Variants in STAMBPL1 observed in about 807,000 individuals in gnomAD.
STAMBPL1 encodes the protein STAM binding protein like 1, also known as AMSH-like protease.
Under a neutral mutation model 52.9 loss-of-function variants are expected in STAMBPL1, and 44 were observed. The observed-to-expected ratio is 0.83, with a 90% confidence interval of 0.65 to 1.07. STAMBPL1 has a LOEUF of 1.07. Ranked by LOEUF, STAMBPL1 falls within the 50% of genes least tolerant of loss-of-function variation. The probability of loss-of-function intolerance (pLI) is 0.00; values close to 1 mark genes in which losing one functional copy is unlikely to be tolerated. For missense variants in STAMBPL1, 511 were observed against 520.8 expected (o/e 0.98, Z 0.18); for synonymous variants, 164 against 177.3 (o/e 0.92, Z 0.60).
chr10:88,886,016 A>G (rs1844521701), intron 1 of STAMBPL1, among the ~76,000 whole-genome samples: 1 of 152,164 alleles, frequency 6.6e-6, no homozygotes, highest in South Asian at 2.1e-4. Context: ...GCAAAAAATC[A>G]TTGAGTAGAA....
At chr10:88,908,652 T>C in intron 3 of STAMBPL1, 50 bp from the exon 4 acceptor site, 1 of 1,463,924 alleles carries the variant, frequency 6.8e-7, no homozygotes, top group East Asian at 2.3e-5. Flanking sequence ...GAAAGCATTA[T>C]TGAACTTTTG....
rs577410450 is a variant in STAMBPL1 at position 88,922,244 on chromosome 10, G to A, written c.1155-93G>A. On this transcript the variant is annotated intron_variant, in intron 9 of 10. Coordinates refer to ENST00000371926, the MANE Select transcript of STAMBPL1 (RefSeq NM_020799.4). ...AGTTTGTGATTTCTCAATCCCATCT[G>A]AGGAATATGTATGTGTGTGCTGTTC... is the stretch of plus-strand genomic sequence containing the variant. The A allele has an allele frequency of 1.0e-5, 12 of 1,156,284 alleles. No homozygotes were observed. The African/African-American group carries it at 1.8e-4, about 18-fold the overall frequency. 71.6% of individuals were successfully genotyped at this position (1,156,284 alleles called of 1,614,324 possible). A position where few individuals can be genotyped will look rare whatever the true frequency, so the allele number is the denominator to read the frequency against.
At chr10:88,885,234 T>C (rs1844502108) in intron 1 of STAMBPL1, among the ~76,000 whole-genome samples, 1 of 152,188 alleles carries the variant, frequency 6.6e-6, no homozygotes, top group Non-Finnish European at 1.5e-5. Context: ...GTGCTGGGGA[T>C]ACTGATTAGA....
rs1844766363 is a variant in STAMBPL1, at chr10:88,894,578, T to C, written c.-53-7078T>C. On this transcript the variant is annotated intron_variant, in intron 1 of 10. Transcript: ENST00000371926. ...CTCCTGATGCACACCTAGTCTATACTTTCATTCTGTAAATAATCTCAAATA... is the reference window on the plus strand; with the variant it reads ...CTCCTGATGCACACCTAGTCTATACCTTCATTCTGTAAATAATCTCAAATA... 2.0e-5 allele frequency among the ~76,000 whole-genome samples: 3 copies of C among 152,216 alleles called. No individual in the cohort carries two copies. In the South Asian group the frequency reaches 6.2e-4, roughly 32 times the overall value.
At chr10:88,904,481 G>T (rs966163872) in intron 2 of STAMBPL1, among the ~76,000 whole-genome samples, 10 of 152,098 alleles carry the variant, frequency 6.6e-5, no homozygotes, top group African/African-American at 2.4e-4. Flanking sequence ...CCACCCACTT[G>T]CTTTTATAAA....
chr10:88,890,591 G>A (rs933099132), intron 1 of STAMBPL1, among the ~76,000 whole-genome samples: 3 of 152,208 alleles, frequency 2.0e-5, no homozygotes, highest in Admixed American at 2.0e-4. Context: ...TAATATCAGC[G>A]TTTGCCAGAT....
chr10:88,923,089 C>A, intron 10 of STAMBPL1, 79 bp from the exon 11 acceptor site: 1 of 976,432 alleles, frequency 1.0e-6, no homozygotes. Context: ...GAAATCTATA[C>A]TTCCTCCCTA....
intron 3 of STAMBPL1, among the ~76,000 whole-genome samples, chr10:88,906,206 T>C (rs1370707676): frequency 6.6e-6 from 1 of 152,206 alleles, no homozygotes; most frequent in Admixed American, 6.5e-5. Context: ...ATTTGGCTAT[T>C]AAGAACACTA....
rs780937942 is a variant in STAMBPL1 at position 88,922,367 on chromosome 10, C to T, written c.1185C>T (p.Gly395=). ...GCATCTTCAGGCTCACCAATGCTGG[C>T]ATGCTTGAGGTTTCTGCTTGTAAAA... ...DTGIFRLTNA[G]MLEVSACKKK... The change falls in exon 10 of 11, where the codon GGC becomes GGT. Residue 395 remains glycine, a synonymous_variant. Coordinates refer to ENST00000371926, the MANE Select transcript of STAMBPL1 (RefSeq NM_020799.4). 6.2e-7 allele frequency: 1 copy of T among 1,613,316 alleles called. No individual in the cohort carries two copies. The highest frequency in any genetic ancestry group is 1.7e-5 in the Admixed American group (1 of 59,896).
chr10:88,887,483 C>T (rs757016132), intron 1 of STAMBPL1, among the ~76,000 whole-genome samples: 9 of 152,154 alleles, frequency 5.9e-5, no homozygotes, highest in Non-Finnish European at 1.3e-4. Context: ...CTCCATCCCA[C>T]CCCTAGAGAT....
At chr10:88,895,662 A>G (rs747015521) in intron 1 of STAMBPL1, among the ~76,000 whole-genome samples, 13 of 152,192 alleles carry the variant, frequency 8.5e-5, no homozygotes, top group Non-Finnish European at 1.3e-4. Flanking sequence ...TGTTGTGCCT[A>G]TTTAATAGAT....
intron 1 of STAMBPL1, among the ~76,000 whole-genome samples, chr10:88,896,353 C>T (rs1275561916): frequency 6.6e-6 from 1 of 152,234 alleles, no homozygotes; most frequent in Non-Finnish European, 1.5e-5. Context: ...ATCTGTAAGA[C>T]TGTGACTCAG....
chr10:88,884,919 T>A (rs1276952187), intron 1 of STAMBPL1, among the ~76,000 whole-genome samples: 2 of 152,218 alleles, frequency 1.3e-5, no homozygotes, highest in African/African-American at 2.4e-5. Context: ...ATTGAAACGT[T>A]AGTTTCTATC....
At position 88,885,125 on chromosome 10, in the gene STAMBPL1, C is replaced by T. The variant is rs751894074; in HGVS notation, c.-54+4487C>T. Reference sequence around the variant, plus strand: ...TATGTGAATTGCTCAGCATCATAGGCTGGTAAATGATAGAGCTGGCCGTCA... The same window carrying T: ...TATGTGAATTGCTCAGCATCATAGGTTGGTAAATGATAGAGCTGGCCGTCA... On this transcript the variant is annotated intron_variant, in intron 1 of 10. Transcript: ENST00000371926. Among the ~76,000 whole-genome samples the T allele has an allele frequency of 5.3e-5, 8 of 152,136 alleles. No individual in the cohort carries two copies. In the East Asian group the frequency reaches 5.8e-4, roughly 11 times the overall value.
chr10:88,922,466 G>A (rs1440592400), intron 10 of STAMBPL1, 30 bp downstream of exon 10: 1 of 1,603,902 alleles, frequency 6.2e-7, no homozygotes, highest in African/African-American at 1.3e-5. Context: ...TATTTTTCCA[G>A]GTATTTCTTG....
At chr10:88,921,418 G>C (rs1488507326) in intron 9 of STAMBPL1, 23 bp downstream of exon 9, 1 of 1,587,006 alleles carries the variant, frequency 6.3e-7, no homozygotes, top group Admixed American at 1.7e-5. Context: ...CTTCAGGGGA[G>C]ACCAAAGAAG....
At chr10:88,921,721 G>GA (rs1322202008) in intron 9 of STAMBPL1, among the ~76,000 whole-genome samples, 1 of 152,008 alleles carries the variant, frequency 6.6e-6, no homozygotes, top group Non-Finnish European at 1.5e-5. Flanking sequence ...CCTTAGCTGA[G>GA]AAAAAAACCT....
rs999803725 is a variant in STAMBPL1, at chr10:88,901,445, T to C, written c.-53-211T>C. 2.0e-5 allele frequency: 7 copies of C among 345,736 alleles called. No homozygotes were observed. In the South Asian group the frequency reaches 3.6e-4, roughly 18 times the overall value. The allele number at this position is 345,736 out of a possible 1,614,324, so 21.4% of individuals were successfully genotyped here. On this transcript the variant is annotated intron_variant, in intron 1 of 10. Transcript: ENST00000371926. ...TCAAATGTGAATTATTTTCACACCT[T>C]CACTTTTAAAGATCAGCTTCAGGAA...
chr10:88,906,845 C>T (rs182926098), intron 3 of STAMBPL1, among the ~76,000 whole-genome samples: 45 of 152,304 alleles, frequency 3.0e-4, no homozygotes, highest in African/African-American at 1.1e-3. Flanking sequence ...AAGTGATCCT[C>T]CTGCTTTGAC....
Sources: gnomAD v4.1 joint callset for allele counts (sites outside exome capture counted in the v4.1 genomes callset) on GRCh38, gnomAD v4.1.1 for gene constraint, MANE v1.5 for transcripts, NCBI Gene and HGNC (gene_info 2026-07-23, HGNC 2026-07-21) for gene names.